Variants in BLTP3A observed in about 807,000 individuals in gnomAD.
BLTP3A encodes bridge-like lipid transfer protein family member 3A, also known as ICBP90 binding protein 1.
At chr6:34,851,128 A>C in the BLTP3A span, among the ~76,000 whole-genome samples, 1 of 152,054 alleles carries the variant, frequency 6.6e-6, no homozygotes, top group African/African-American at 2.4e-5. Context: ...CTGTTACTCC[A>C]GGTTTGGTCA....
At chr6:34,801,409 G>A in the BLTP3A span, among the ~76,000 whole-genome samples, 5 of 152,146 alleles carry the variant, frequency 3.3e-5, no homozygotes, top group Non-Finnish European at 7.3e-5. Flanking sequence ...GAGCTGGGGA[G>A]AGGGGGGAAA....
the BLTP3A span, among the ~76,000 whole-genome samples, chr6:34,805,735 C>CAAAAAA: frequency 2.2e-4 from 16 of 73,716 alleles, no homozygotes; most frequent in Middle Eastern, 7.8e-3. Context: ...GACCCTATCT[C>CAAAAAA]AAAAAAAAAA....
At chr6:34,846,148 G>C in the BLTP3A span, among the ~76,000 whole-genome samples, 4 of 106,490 alleles carry the variant, frequency 3.8e-5, no homozygotes, top group Non-Finnish European at 7.0e-5. Context: ...TTCTTTCCTT[G>C]CTTCCATTTT....
At chr6:34,801,725 A>T in the BLTP3A span, among the ~76,000 whole-genome samples, 1 of 89,492 alleles carries the variant, frequency 1.1e-5, no homozygotes, top group Non-Finnish European at 2.1e-5. Context: ...TTATTTATTT[A>T]TTTATTTATT....
chr6:34,835,252 G>C, the BLTP3A span: 1 of 1,598,252 alleles, frequency 6.3e-7, no homozygotes, highest in Non-Finnish European at 8.5e-7. Context: ...AAGTTGGAAT[G>C]ATACGAGGTG....
the BLTP3A span, chr6:34,859,605 TCTC>T: frequency 1.9e-6 from 3 of 1,606,502 alleles, no homozygotes. Context: ...ACTCATCCCA[TCTC>T]CTTCTCCTAG....
the BLTP3A span, among the ~76,000 whole-genome samples, chr6:34,827,857 C>T: frequency 6.6e-6 from 1 of 152,072 alleles, no homozygotes; most frequent in African/African-American, 2.4e-5. Flanking sequence ...GTCTCGAACT[C>T]CTGACCTCAA....
chr6:34,837,303 AG>A, the BLTP3A span, among the ~76,000 whole-genome samples: 2 of 152,110 alleles, frequency 1.3e-5, no homozygotes, highest in Admixed American at 1.3e-4. Flanking sequence ...ATACTTTGGG[AG>A]GCTGAGGTGA....
the BLTP3A span, chr6:34,834,951 A>T: frequency 6.7e-7 from 1 of 1,500,414 alleles, no homozygotes; most frequent in East Asian, 2.3e-5. Context: ...TTGGAATGTT[A>T]TTGGCCCTGG....
chr6:34,842,415 AT>A, the BLTP3A span, among the ~76,000 whole-genome samples: 1 of 152,130 alleles, frequency 6.6e-6, no homozygotes, highest in African/African-American at 2.4e-5. Context: ...CCCTGTATCC[AT>A]TTGCTGTCAC....
At chr6:34,864,616 T>C in the BLTP3A span, among the ~76,000 whole-genome samples, 58 of 151,766 alleles carry the variant, frequency 3.8e-4, no homozygotes, top group Non-Finnish European at 4.9e-4. Flanking sequence ...ATTACCTCTG[T>C]AAGTTAAACT....
chr6:34,864,276 G>A, the BLTP3A span: 4 of 1,338,466 alleles, frequency 3.0e-6, no homozygotes, highest in Admixed American at 8.6e-5. Context: ...GACTGGCAGG[G>A]CTAAAGAGGA....
chr6:34,838,016 T>C, the BLTP3A span, among the ~76,000 whole-genome samples: 2 of 152,266 alleles, frequency 1.3e-5, no homozygotes, highest in Non-Finnish European at 2.9e-5. Flanking sequence ...GCCAGAGTTC[T>C]GTAATCCATA....
chr6:34,859,503 T>C, the BLTP3A span: 3 of 1,614,064 alleles, frequency 1.9e-6, no homozygotes, highest in African/African-American at 4.0e-5. Context: ...TGACTAAGGA[T>C]GCCTTCAGTT....
At chr6:34,811,023 A>G in the BLTP3A span, among the ~76,000 whole-genome samples, 1 of 152,216 alleles carries the variant, frequency 6.6e-6, no homozygotes, top group Non-Finnish European at 1.5e-5. Context: ...AAGTTTTTTC[A>G]AGTTGTCACA....
the BLTP3A span, among the ~76,000 whole-genome samples, chr6:34,802,094 T>C: frequency 6.6e-6 from 1 of 152,198 alleles, no homozygotes; most frequent in Non-Finnish European, 1.5e-5. Context: ...GAAGATCGTT[T>C]TGAACTTTAC....
chr6:34,799,282 TTTG>T, the BLTP3A span, among the ~76,000 whole-genome samples: 1 of 152,336 alleles, frequency 6.6e-6, no homozygotes, highest in East Asian at 1.9e-4. Flanking sequence ...TCATACTTGC[TTTG>T]TAATCTTGCC....
At chr6:34,857,439 G>T in the BLTP3A span, 1 of 1,614,158 alleles carries the variant, frequency 6.2e-7, no homozygotes, top group Non-Finnish European at 8.5e-7. Flanking sequence ...AGTTCACAGA[G>T]TATTACTTCC....
At chr6:34,853,423 C>A in the BLTP3A span, among the ~76,000 whole-genome samples, 1 of 152,040 alleles carries the variant, frequency 6.6e-6, no homozygotes, top group African/African-American at 2.4e-5. Context: ...CCTCAGCCTT[C>A]CAAAATGCTG....
Sources: gnomAD v4.1 joint callset for allele counts (sites outside exome capture counted in the v4.1 genomes callset) on GRCh38, gnomAD v4.1.1 for gene constraint, MANE v1.5 for transcripts, NCBI Gene and HGNC (gene_info 2026-07-23, HGNC 2026-07-21) for gene names.